ABTB2: variants seen among roughly 807,000 people sequenced by gnomAD.
The protein encoded by ABTB2 is ankyrin repeat and BTB/POZ domain-containing protein 2.
Under a neutral mutation model 104.1 loss-of-function variants are expected in ABTB2, and 56 were observed. The observed-to-expected ratio is 0.54, with a 90% CI of 0.43 to 0.67. ABTB2 has a LOEUF of 0.67. Among genes scored for constraint, ABTB2 ranks in the 30% least tolerant of loss-of-function variants. The probability of loss-of-function intolerance (pLI) is 0.00; values close to 1 mark genes in which losing one functional copy is unlikely to be tolerated. For missense variants in ABTB2, 1,279 were observed against 1,407.7 expected (o/e 0.91, Z 1.46); for synonymous variants, 606 against 608.2 (o/e 1.00, Z 0.05).
chr11:34,338,005 G>C (rs1196136941), intron 1 of ABTB2, among the ~76,000 whole-genome samples: 1 of 151,682 alleles, frequency 6.6e-6, no homozygotes, highest in Non-Finnish European at 1.5e-5. Context: ...GAGGAGCGCA[G>C]AATAAAATCC....
intron 1 of ABTB2, among the ~76,000 whole-genome samples, chr11:34,337,417 T>G (rs1169325005): frequency 2.0e-5 from 3 of 152,246 alleles, no homozygotes; most frequent in African/African-American, 7.2e-5. Context: ...GGGCCGTACC[T>G]TGAGGAAAGA....
intron 10 of ABTB2, among the ~76,000 whole-genome samples, chr11:34,162,106 C>G (rs1015333048): frequency 5.3e-5 from 8 of 152,336 alleles, no homozygotes; most frequent in South Asian, 2.1e-4. Context: ...TGGTATGCAG[C>G]TAACACAGGA....
chr11:34,194,005 G>T (rs1308360996), intron 3 of ABTB2, among the ~76,000 whole-genome samples: 1 of 152,258 alleles, frequency 6.6e-6, no homozygotes, highest in Non-Finnish European at 1.5e-5. Context: ...GAAGCAGCAG[G>T]TGGCTTAGCA....
intron 1 of ABTB2, among the ~76,000 whole-genome samples, chr11:34,276,424 C>A (rs11032591): frequency 6.6e-6 from 1 of 151,928 alleles, no homozygotes; most frequent in Non-Finnish European, 1.5e-5. Flanking sequence ...CCAGTTACTA[C>A]TCTTAAGGGA....
At position 34,171,070 on chromosome 11, in the gene ABTB2, G is replaced by A. The variant is rs1852868178; in HGVS notation, c.1399C>T (p.Pro467Ser). ...CGGAAGGAACTGAAACAGTGTTCGG[G>A]TCTGCCCAGAAGAGACCCAAAGGTG... ...GLDCEPRQLK[P>S]EHCFSSFRRL... The change falls in exon 5 of 17, where the codon CCC becomes TCC. Residue 467 changes from proline (P) to serine (S), a missense_variant and splice_region_variant. Pro to Ser is a moderately conservative substitution (Grantham distance 74, BLOSUM62 -1). Coordinates refer to ENST00000435224, the MANE Select transcript of ABTB2 (RefSeq NM_145804.3). 1.2e-6 allele frequency: 2 copies of A among 1,613,922 alleles called. No individual in the cohort carries two copies. Among genetic ancestry groups the A allele is most frequent in the African/African-American group, 1.3e-5 (1 of 74,942 alleles).
intron 1 of ABTB2, among the ~76,000 whole-genome samples, chr11:34,262,543 A>T (rs916955624): frequency 1.1e-4 from 16 of 152,144 alleles, no homozygotes; most frequent in African/African-American, 3.9e-4. Flanking sequence ...GGTATCGTCC[A>T]ATTACACCTC....
intron 1 of ABTB2, among the ~76,000 whole-genome samples, chr11:34,332,986 A>G (rs1211122816): frequency 6.6e-6 from 1 of 152,230 alleles, no homozygotes; most frequent in East Asian, 1.9e-4. Flanking sequence ...TTTGAGGTCA[A>G]CAATGGCCAT....
At chr11:34,233,763 T>C (rs1167484373) in intron 1 of ABTB2, among the ~76,000 whole-genome samples, 1 of 152,064 alleles carries the variant, frequency 6.6e-6, no homozygotes, top group Admixed American at 6.6e-5. Flanking sequence ...ATTATTAATA[T>C]ATTATAATTT....
intron 1 of ABTB2, among the ~76,000 whole-genome samples, chr11:34,287,811 C>G (rs1001789593): frequency 6.6e-6 from 1 of 152,104 alleles, no homozygotes; most frequent in Non-Finnish European, 1.5e-5. Flanking sequence ...ACTCTGTTTC[C>G]GTGGTATTTT....
chr11:34,305,337 C>T (rs182993864), intron 1 of ABTB2, among the ~76,000 whole-genome samples: 10 of 152,336 alleles, frequency 6.6e-5, no homozygotes, highest in African/African-American at 2.4e-4. Context: ...CCCGCATGCA[C>T]ACATTCGCTC....
chr11:34,342,480 C>T (rs1855272900), intron 1 of ABTB2, among the ~76,000 whole-genome samples: 1 of 152,154 alleles, frequency 6.6e-6, no homozygotes, highest in African/African-American at 2.4e-5. Context: ...GGCCACAGGG[C>T]AAATGAGGAC....
chr11:34,357,186 C>A lies in ABTB2; in HGVS notation c.398G>T (p.Arg133Leu), dbSNP rs1447564935. Residue 133 changes from arginine (R) to leucine (L), a missense_variant, in exon 1 of 17, where the codon CGC becomes CTC. Arg to Leu is a moderately radical substitution (Grantham distance 102, BLOSUM62 -2). Transcript: ENST00000435224. Reference protein sequence around the residue: ...EAVRRLAGLLRRALIRVAREA... With the variant: ...EAVRRLAGLLLRALIRVAREA... ...GCGGGCCACGCGGATCAGTGCCCTGCGGAGCAGCCCGGCCAGGCGCCTCAC... is the reference window on the plus strand; with the variant it reads ...GCGGGCCACGCGGATCAGTGCCCTGAGGAGCAGCCCGGCCAGGCGCCTCAC... 1.3e-6 allele frequency: 2 copies of A among 1,507,554 alleles called. No individual in the cohort carries two copies. The highest frequency in any genetic ancestry group is 2.2e-5 in the Admixed American group (1 of 45,984). 93.4% of individuals were successfully genotyped at this position (1,507,554 alleles called of 1,614,324 possible).
intron 6 of ABTB2, 59 bp downstream of exon 6, chr11:34,167,844 C>G: frequency 6.4e-7 from 1 of 1,557,028 alleles, no homozygotes; most frequent in Non-Finnish European, 8.8e-7. Context: ...TTTGTTGGAG[C>G]CCTCGGAGTG....
intron 1 of ABTB2, among the ~76,000 whole-genome samples, chr11:34,293,006 G>C (rs1323729821): frequency 6.6e-6 from 1 of 152,184 alleles, no homozygotes; most frequent in Non-Finnish European, 1.5e-5. Context: ...TGAGGAGCAA[G>C]AGTGGGGTCA....
At chr11:34,156,368 G>C (rs1317549255) in intron 14 of ABTB2, among the ~76,000 whole-genome samples, 4 of 152,162 alleles carry the variant, frequency 2.6e-5, no homozygotes, top group Non-Finnish European at 5.9e-5. Flanking sequence ...CAGCCTGTGG[G>C]GCTAGAGGCT....
intron 1 of ABTB2, among the ~76,000 whole-genome samples, chr11:34,314,829 C>T (rs2133107204): frequency 6.6e-6 from 1 of 152,292 alleles, no homozygotes; most frequent in East Asian, 1.9e-4. Flanking sequence ...AAGTGTGGAG[C>T]CCTTCTGAGT....
At chr11:34,307,004 A>G (rs986815363) in intron 1 of ABTB2, among the ~76,000 whole-genome samples, 1 of 147,012 alleles carries the variant, frequency 6.8e-6, no homozygotes, top group Non-Finnish European at 1.5e-5. Flanking sequence ...AAAAAAAAAA[A>G]GAAAGAAAAA....
chr11:34,243,873 G>C (rs1255622451), intron 1 of ABTB2, among the ~76,000 whole-genome samples: 1 of 152,182 alleles, frequency 6.6e-6, no homozygotes, highest in African/African-American at 2.4e-5. Context: ...CATTCCACAG[G>C]CTTATAAAAA....
At position 34,152,175 on chromosome 11, in the gene ABTB2, G is replaced by A. The variant is rs1297247985; in HGVS notation, c.*212C>T. On this transcript the variant is annotated 3_prime_UTR_variant, in exon 17 of 17. Transcript: ENST00000435224. The stretch of plus-strand genomic sequence containing the variant: ...AGATGGGGAGGAGGGCCACCAGTTA[G>A]CTACATCTCCCCTTTGCCCATCAGT... The A allele has an allele frequency of 3.4e-6, 2 of 592,492 alleles. No homozygotes were observed. Among genetic ancestry groups the A allele is most frequent in the African/African-American group, 1.9e-5 (1 of 53,436 alleles). The allele number at this position is 592,492 out of a possible 1,614,324, so 36.7% of individuals were successfully genotyped here.
Sources: gnomAD v4.1 joint callset for allele counts (sites outside exome capture counted in the v4.1 genomes callset) on GRCh38, gnomAD v4.1.1 for gene constraint, MANE v1.5 for transcripts, NCBI Gene and HGNC (gene_info 2026-07-23, HGNC 2026-07-21) for gene names.